LRRFIP2: variants seen among roughly 807,000 people sequenced by gnomAD.
LRRFIP2 encodes leucine-rich repeat flightless-interacting protein 2.
In LRRFIP2, 109 loss-of-function variants were observed where a neutral mutation model predicts 125.9. The ratio of observed to expected loss-of-function variants is 0.87; its 90% CI spans 0.74 to 1.01. The LOEUF is 1.01. Ranked by LOEUF, LRRFIP2 falls within the 50% of genes least tolerant of loss-of-function variation. The probability of loss-of-function intolerance (pLI) is 0.00; values close to 1 mark genes in which losing one functional copy is unlikely to be tolerated. For missense variants in LRRFIP2, 850 were observed against 862.3 expected (o/e 0.99, Z 0.18); for synonymous variants, 291 against 293.1 (o/e 0.99, Z 0.07).
At chr3:37,160,143 G>C (rs1374571848) in intron 1 of LRRFIP2, among the ~76,000 whole-genome samples, 1 of 151,976 alleles carries the variant, frequency 6.6e-6, no homozygotes, top group African/African-American at 2.4e-5. Context: ...AGAAGACAAA[G>C]GGGCTCTGGG....
chr3:37,135,108 C>T (rs2095524431), intron 2 of LRRFIP2: 1 of 1,303,614 alleles, frequency 7.7e-7, no homozygotes, highest in Non-Finnish European at 1.1e-6. Context: ...CCATATGATG[C>T]TACCTTAAAG....
chr3:37,093,125 AT>A (rs899462538), intron 17 of LRRFIP2: 5 of 152,458 alleles, frequency 3.3e-5, no homozygotes, highest in African/African-American at 7.2e-5. Flanking sequence ...TGGGTGACAA[AT>A]TTTTTTTTAA....
chr3:37,140,828 C>T lies in LRRFIP2; in HGVS notation c.90+8066G>A, dbSNP rs2095678311. On this transcript the variant is annotated intron_variant, in intron 2 of 27. Transcript: ENST00000336686. ...ATAAGGGTCCTTCCTCTTTTCTATC[C>T]TCCCTCCATATTCAGTTGCTAAGTC... 4.0e-5 allele frequency among the ~76,000 whole-genome samples: 6 copies of T among 151,766 alleles called. No individual in the cohort carries two copies. The South Asian group carries it at 1.0e-3, about 26-fold the overall frequency.
chr3:37,121,554 A>G lies in LRRFIP2; in HGVS notation c.286-18T>C. 5.6e-6 allele frequency: 9 copies of G among 1,613,726 alleles called. No individual in the cohort carries two copies. Among genetic ancestry groups the G allele is most frequent in the Non-Finnish European group, 7.6e-6 (9 of 1,179,624 alleles). ...TCAACTCCCTGATAAAAATGAAAAT[A>G]AACACAGTAAAAGTTTGTGAGTGAT... On this transcript the variant is annotated intron_variant, in intron 5 of 27. Coordinates refer to ENST00000336686, the MANE Select transcript of LRRFIP2 (RefSeq NM_006309.4).
At chr3:37,080,661 G>A (rs191824753) in intron 19 of LRRFIP2, among the ~76,000 whole-genome samples, 3 of 152,018 alleles carry the variant, frequency 2.0e-5, no homozygotes, top group Admixed American at 6.5e-5. Flanking sequence ...AGAGAATACA[G>A]AGGAAAGGGA....
At chr3:37,056,768 G>A (rs758402775) in intron 25 of LRRFIP2, among the ~76,000 whole-genome samples, 1 of 152,020 alleles carries the variant, frequency 6.6e-6, no homozygotes, top group Non-Finnish European at 1.5e-5. Flanking sequence ...AAAGGAACAG[G>A]GTTACCATCT....
intron 13 of LRRFIP2, among the ~76,000 whole-genome samples, chr3:37,106,655 A>C (rs2094339278): frequency 6.6e-6 from 1 of 152,100 alleles, no homozygotes; most frequent in South Asian, 2.1e-4. Flanking sequence ...ATAAAAATTA[A>C]AATTAGGCCA....
chr3:37,138,628 C>A (rs2095617501), intron 2 of LRRFIP2, among the ~76,000 whole-genome samples: 1 of 152,224 alleles, frequency 6.6e-6, no homozygotes, highest in Non-Finnish European at 1.5e-5. Context: ...CCCTATCCCA[C>A]TGTCATCAAT....
chr3:37,171,301 A>G (rs927553998), intron 1 of LRRFIP2, among the ~76,000 whole-genome samples: 8 of 152,160 alleles, frequency 5.3e-5, no homozygotes, highest in African/African-American at 1.9e-4. Context: ...CTGACTTGCA[A>G]GAGGACCAGG....
chr3:37,063,837 G>A (rs1559667032), intron 23 of LRRFIP2, 46 bp from the exon 24 acceptor site: 3 of 1,411,896 alleles, frequency 2.1e-6, no homozygotes, highest in Non-Finnish European at 2.0e-6. Flanking sequence ...TGATGATATA[G>A]TACATAAACA....
intron 21 of LRRFIP2, among the ~76,000 whole-genome samples, chr3:37,069,617 A>G (rs2090794053): frequency 6.6e-6 from 1 of 152,198 alleles, no homozygotes; most frequent in Admixed American, 6.5e-5. Context: ...GGGGAAGACT[A>G]AAAAGTTCTA....
At chr3:37,109,258 G>A (rs1452979948) in intron 11 of LRRFIP2, among the ~76,000 whole-genome samples, 1 of 152,140 alleles carries the variant, frequency 6.6e-6, no homozygotes, top group Non-Finnish European at 1.5e-5. Flanking sequence ...GTATGTGAGT[G>A]TGGTAGGACT....
chr3:37,091,449 C>T lies in LRRFIP2; in HGVS notation c.1107+18G>A. 6.3e-7 allele frequency: 1 copy of T among 1,596,220 alleles called. No individual in the cohort carries two copies. The highest frequency in any genetic ancestry group is 8.5e-7 in the Non-Finnish European group (1 of 1,172,328). On this transcript the variant is annotated intron_variant, in intron 18 of 27. Transcript: ENST00000336686. The stretch of plus-strand genomic sequence containing the variant: ...CTGCATACAGAGCATGCTTGGGCTG[C>T]AGAATGGGCCCTGATACCTTTAGTT...
chr3:37,115,899 T>C (rs1243093028), intron 6 of LRRFIP2, among the ~76,000 whole-genome samples: 1 of 152,216 alleles, frequency 6.6e-6, no homozygotes, highest in Non-Finnish European at 1.5e-5. Flanking sequence ...TTCTAGTTTA[T>C]ATTTTTAAGC....
intron 1 of LRRFIP2, among the ~76,000 whole-genome samples, chr3:37,154,013 C>CAAAA (rs767900386): frequency 1.4e-5 from 2 of 142,796 alleles, no homozygotes; most frequent in Non-Finnish European, 3.0e-5. Flanking sequence ...TCTGTCTTTA[C>CAAAA]AAAAAAAAAA....
At chr3:37,163,413 C>T (rs1192812554) in intron 1 of LRRFIP2, among the ~76,000 whole-genome samples, 4 of 152,176 alleles carry the variant, frequency 2.6e-5, no homozygotes, top group Admixed American at 2.0e-4. Context: ...ATACCACATC[C>T]TGGCCTGGCC....
At chr3:37,152,676 C>T (rs2096066877) in intron 1 of LRRFIP2, among the ~76,000 whole-genome samples, 1 of 152,120 alleles carries the variant, frequency 6.6e-6, no homozygotes, top group East Asian at 1.9e-4. Flanking sequence ...CTCCTGACCT[C>T]AGGTGATCCG....
intron 18 of LRRFIP2, among the ~76,000 whole-genome samples, chr3:37,086,652 TC>T (rs2093067193): frequency 6.6e-6 from 1 of 152,118 alleles, no homozygotes. Flanking sequence ...TTGTATAAAA[TC>T]TCCAGAATAG....
intron 6 of LRRFIP2, among the ~76,000 whole-genome samples, chr3:37,116,108 TA>T (rs1206754149): frequency 1.3e-5 from 2 of 152,168 alleles, no homozygotes; most frequent in African/African-American, 2.4e-5. Context: ...CAGTAGTTCA[TA>T]AAATCAACTT....
Sources: allele counts gnomAD v4.1 joint callset (sites outside exome capture counted in the v4.1 genomes callset), GRCh38; gene constraint gnomAD v4.1.1; transcripts MANE v1.5; gene names NCBI Gene and HGNC (gene_info 2026-07-23, HGNC 2026-07-21).